Variants in PDE4D observed in about 807,000 individuals in gnomAD.
PDE4D encodes the protein 3',5'-cyclic-AMP phosphodiesterase 4D.
PDE4D carries 24 observed loss-of-function variants against 87.4 expected under a neutral mutation model. That is an observed-to-expected ratio of 0.27 (90% CI 0.20 to 0.39). The LOEUF (loss-of-function observed/expected upper bound fraction) is 0.39. Ranked by LOEUF, PDE4D falls within the 10% of genes least tolerant of loss-of-function variation. PDE4D has a pLI of 1.00. For synonymous variants in PDE4D, 384 were observed against 383.2 expected, an observed-to-expected ratio of 1.00 and a Z score of -0.02; for missense variants, 714 against 1,041.0, an observed-to-expected ratio of 0.69 and a Z score of 4.32.
chr5:60,108,032 C>T (rs1038323364), intron 2 of PDE4D, among the ~76,000 whole-genome samples: 18 of 152,024 alleles, frequency 1.2e-4, no homozygotes, highest in Admixed American at 3.9e-4. Context: ...GAGAAGGAAA[C>T]AAAGGGTATT....
intron 1 of PDE4D, among the ~76,000 whole-genome samples, chr5:60,472,988 A>T (rs1203454172): frequency 6.6e-6 from 1 of 151,924 alleles, no homozygotes; most frequent in Non-Finnish European, 1.5e-5. Flanking sequence ...TGATTAGTTT[A>T]TTGGGACATA....
chr5:59,202,241 C>T (rs188464609), intron 2 of PDE4D, among the ~76,000 whole-genome samples: 8 of 152,086 alleles, frequency 5.3e-5, no homozygotes, highest in East Asian at 1.9e-4. Context: ...AGGATTTCAC[C>T]GTGTTAGCCA....
intron 1 of PDE4D, among the ~76,000 whole-genome samples, chr5:59,578,217 G>T (rs1226306619): frequency 6.6e-6 from 1 of 152,116 alleles, no homozygotes; most frequent in East Asian, 1.9e-4. Flanking sequence ...TCACCCAAGA[G>T]TTATTTCAAG....
chr5:59,439,043 G>C (rs1337369981), intron 1 of PDE4D, among the ~76,000 whole-genome samples: 1 of 152,086 alleles, frequency 6.6e-6, no homozygotes, highest in Non-Finnish European at 1.5e-5. Context: ...AAAGTTATTT[G>C]CTTGCAGGGA....
intron 2 of PDE4D, among the ~76,000 whole-genome samples, chr5:60,069,311 G>T (rs994621220): frequency 1.3e-5 from 2 of 152,136 alleles, no homozygotes; most frequent in Non-Finnish European, 2.9e-5. Context: ...TGAGAGGAAT[G>T]CTTCACCTTT....
At position 59,189,259 on chromosome 5, in the gene PDE4D, T is replaced by TTTTTTTTTTTTTTC. The variant is rs1561663851; in HGVS notation, c.685-3998_685-3997insGAAAAAAAAAAAAA. On this transcript the variant is annotated intron_variant, in intron 3 of 14. Coordinates refer to ENST00000340635, the MANE Select transcript of PDE4D (RefSeq NM_001104631.2). ...TTTTTTTTTTGTTTTTTTTGTTTTTTTTTTTTTGAGACGGAGTTTTGCTCT... is the reference window on the plus strand; with the variant it reads ...TTTTTTTTTTGTTTTTTTTGTTTTTTTTTTTTTTTTTTTCTTTTTTTGAGACGGAGTTTTGCTCT... 1.4e-5 allele frequency among the ~76,000 whole-genome samples: 2 copies of TTTTTTTTTTTTTTC among 141,194 alleles called. 1 individual carries two copies. 92.6% of individuals were successfully genotyped at this position (141,194 alleles called of 152,430 possible).
intron 2 of PDE4D, among the ~76,000 whole-genome samples, chr5:60,176,878 G>T (rs1340485902): frequency 1.3e-5 from 2 of 152,070 alleles, no homozygotes; most frequent in South Asian, 4.1e-4. Context: ...CTTGAACTTG[G>T]AATAAGGCGT....
At chr5:60,309,990 T>G (rs1754861770) in intron 1 of PDE4D, among the ~76,000 whole-genome samples, 1 of 152,190 alleles carries the variant, frequency 6.6e-6, no homozygotes, top group East Asian at 1.9e-4. Context: ...GTGCACTTAT[T>G]CTCCTTGACT....
At chr5:59,674,896 G>T (rs1353295753) in intron 1 of PDE4D, among the ~76,000 whole-genome samples, 1 of 152,176 alleles carries the variant, frequency 6.6e-6, no homozygotes, top group Admixed American at 6.5e-5. Context: ...GCTCAAAACA[G>T]CTAACTTATC....
intron 1 of PDE4D, among the ~76,000 whole-genome samples, chr5:59,762,119 T>C (rs1762044611): frequency 6.6e-6 from 1 of 151,944 alleles, no homozygotes; most frequent in South Asian, 2.1e-4. Context: ...TATGTGTGTA[T>C]ATATATGTAG....
chr5:59,495,987 G>A (rs1377259333), intron 1 of PDE4D, among the ~76,000 whole-genome samples: 1 of 152,168 alleles, frequency 6.6e-6, no homozygotes, highest in Non-Finnish European at 1.5e-5. Context: ...TCACAAGGAC[G>A]AGGGCTTTCT....
chr5:59,028,657 C>T (rs942156786), intron 6 of PDE4D, among the ~76,000 whole-genome samples: 2 of 151,816 alleles, frequency 1.3e-5, no homozygotes, highest in African/African-American at 2.4e-5. Flanking sequence ...TCTAAATCCA[C>T]GGACCATTCT....
chr5:59,818,645 A>G (rs1054203675), intron 1 of PDE4D, among the ~76,000 whole-genome samples: 1 of 152,208 alleles, frequency 6.6e-6, no homozygotes, highest in Non-Finnish European at 1.5e-5. Flanking sequence ...CGTGTTGTGA[A>G]CTGCAAAGTC....
intron 1 of PDE4D, among the ~76,000 whole-genome samples, chr5:59,528,258 G>A (rs144935629): frequency 3.6e-3 from 547 of 152,252 alleles, no homozygotes; most frequent in Non-Finnish European, 5.9e-3. Flanking sequence ...AGGGAGGAGT[G>A]ACAATCTTTA....
chr5:60,492,730 G>A (rs1312208649), upstream of PDE4D, among the ~76,000 whole-genome samples: 1 of 151,950 alleles, frequency 6.6e-6, no homozygotes, highest in Non-Finnish European at 1.5e-5. Flanking sequence ...CATCACACAC[G>A]AGGGCCTGTC....
chr5:60,138,050 C>T lies in PDE4D; in HGVS notation c.42+47507G>A, dbSNP rs569382466. Among the ~76,000 whole-genome samples the T allele has an allele frequency of 3.3e-5, 5 of 152,014 alleles. No homozygotes were observed. The East Asian group carries it at 9.7e-4, about 29-fold the overall frequency. On this transcript the variant is annotated intron_variant, in intron 2 of 16. Coordinates refer to the PDE4D transcript ENST00000502484. ...CATTTATTGAATAGGGAATGATTTC[C>T]CCATTGCTTGTTTTTATCAGGTTTG...
chr5:59,352,067 A>G (rs531817908), intron 1 of PDE4D, among the ~76,000 whole-genome samples: 1 of 152,272 alleles, frequency 6.6e-6, no homozygotes, highest in Admixed American at 6.5e-5. Flanking sequence ...TTTGTAAGAT[A>G]AAGGTAATGC....
chr5:60,150,884 G>C (rs977256031), intron 2 of PDE4D, among the ~76,000 whole-genome samples: 22 of 152,106 alleles, frequency 1.4e-4, no homozygotes, highest in African/African-American at 5.3e-4. Context: ...GTAAAAACGT[G>C]GGTATACTCA....
In PDE4D at chr5:60,474,608, C is replaced by T. The variant is rs148185163; in HGVS notation, c.-90+13334G>A. ...GTCCCTTTTTAAATAATTTAAAAAACGTGTGCTGCCAGGGCTGATCAGCAG... is the reference window on the plus strand; with the variant it reads ...GTCCCTTTTTAAATAATTTAAAAAATGTGTGCTGCCAGGGCTGATCAGCAG... On this transcript the variant is annotated intron_variant, in intron 1 of 16. Transcript: ENST00000502484. Among the ~76,000 whole-genome samples, 234 of 152,186 alleles carry T rather than the reference C, an allele frequency of 1.5e-3. 1 individual carries two copies. Among genetic ancestry groups the T allele is most frequent in the African/African-American group, 5.4e-3 (224 of 41,530 alleles).
Sources: gnomAD v4.1 joint callset for allele counts (sites outside exome capture counted in the v4.1 genomes callset) on GRCh38, gnomAD v4.1.1 for gene constraint, MANE v1.5 for transcripts, NCBI Gene and HGNC (gene_info 2026-07-23, HGNC 2026-07-21) for gene names.